The following SDCCAG8 variants were observed in gnomAD, a reference collection of about 807,000 sequenced individuals.
The protein encoded by SDCCAG8 is serologically defined colon cancer antigen 8.
SDCCAG8 carries 74 observed loss-of-function variants against 101.8 expected under a neutral mutation model. That is an observed-to-expected ratio of 0.73 (90% CI 0.60 to 0.88). SDCCAG8 has a LOEUF of 0.88. SDCCAG8 is among the 40% of genes least tolerant of loss of function. The pLI is 0.00. For synonymous variants in SDCCAG8, 281 were observed against 292.9 expected, an observed-to-expected ratio of 0.96 and a Z score of 0.41; for missense variants, 787 against 822.6, an observed-to-expected ratio of 0.96 and a Z score of 0.53.
chr1:243,423,483 A>C (rs925707607), intron 15 of SDCCAG8, among the ~76,000 whole-genome samples: 1 of 152,172 alleles, frequency 6.6e-6, no homozygotes, highest in Non-Finnish European at 1.5e-5. Context: ...CTCTGAAAAC[A>C]AAACTTTATT....
At chr1:243,412,503 A>C (rs2080255331) in intron 13 of SDCCAG8, among the ~76,000 whole-genome samples, 1 of 152,244 alleles carries the variant, frequency 6.6e-6, no homozygotes, top group South Asian at 2.1e-4. Context: ...CTGGCGGCCC[A>C]GGACAGCTTT....
intron 5 of SDCCAG8, among the ~76,000 whole-genome samples, chr1:243,288,966 C>T (rs1339775944): frequency 1.3e-5 from 2 of 148,328 alleles, no homozygotes; most frequent in Non-Finnish European, 3.0e-5. Context: ...GAGACTGCGC[C>T]ACTGCACTCT....
intron 6 of SDCCAG8, among the ~76,000 whole-genome samples, chr1:243,304,432 A>C (rs748639878): frequency 6.6e-6 from 1 of 152,228 alleles, no homozygotes; most frequent in Non-Finnish European, 1.5e-5. Context: ...CTTATGGGTT[A>C]TAACTGTTTT....
At chr1:243,276,667 T>A (rs2068599202) in intron 4 of SDCCAG8, among the ~76,000 whole-genome samples, 1 of 152,178 alleles carries the variant, frequency 6.6e-6, no homozygotes, top group Admixed American at 6.5e-5. Flanking sequence ...AGTCTCTCAG[T>A]TTGCATTAGC....
chr1:243,481,202 C>G (rs1473610511), intron 16 of SDCCAG8, among the ~76,000 whole-genome samples: 1 of 151,990 alleles, frequency 6.6e-6, no homozygotes, highest in Non-Finnish European at 1.5e-5. Context: ...AGCACTGAGC[C>G]CAGCCCTGGG....
At chr1:243,369,662 A>G (rs1382328675) in intron 12 of SDCCAG8, among the ~76,000 whole-genome samples, 3 of 152,150 alleles carry the variant, frequency 2.0e-5, no homozygotes, top group African/African-American at 7.2e-5. Flanking sequence ...AAAGTAAGAA[A>G]TGAAGGATAC....
At chr1:243,337,948 T>C (rs1303735601) in intron 10 of SDCCAG8, among the ~76,000 whole-genome samples, 1 of 152,158 alleles carries the variant, frequency 6.6e-6, no homozygotes, top group East Asian at 1.9e-4. Flanking sequence ...AGAGACAGGG[T>C]CTCACTGTGT....
intron 13 of SDCCAG8, among the ~76,000 whole-genome samples, chr1:243,403,253 G>A (rs1033799764): frequency 6.6e-6 from 1 of 152,112 alleles, no homozygotes; most frequent in African/African-American, 2.4e-5. Flanking sequence ...CAGGGCTGAG[G>A]CCCAGCCCTG....
At chr1:243,353,882 A>G (rs972113841) in intron 12 of SDCCAG8, among the ~76,000 whole-genome samples, 1 of 152,106 alleles carries the variant, frequency 6.6e-6, no homozygotes, top group African/African-American at 2.4e-5. Context: ...AAATTTTAAG[A>G]TTTTTCAAAT....
At chr1:243,405,509 G>T (rs1418672893) in intron 13 of SDCCAG8, among the ~76,000 whole-genome samples, 1 of 152,034 alleles carries the variant, frequency 6.6e-6, no homozygotes, top group East Asian at 1.9e-4. Context: ...TAAAGATCTG[G>T]CAATGAGCAA....
chr1:243,364,119 T>C (rs2147861058), intron 12 of SDCCAG8, among the ~76,000 whole-genome samples: 1 of 152,304 alleles, frequency 6.6e-6, no homozygotes, highest in East Asian at 1.9e-4. Context: ...GATTTTTTTT[T>C]CAATCAGTTA....
At chr1:243,468,465 G>A (rs972719785) in intron 16 of SDCCAG8, among the ~76,000 whole-genome samples, 5 of 152,152 alleles carry the variant, frequency 3.3e-5, no homozygotes, top group South Asian at 4.1e-4. Flanking sequence ...TGATCCACCC[G>A]CCTCAGCCTC....
At chr1:243,469,797 C>T (rs1167840614) in intron 16 of SDCCAG8, among the ~76,000 whole-genome samples, 2 of 150,930 alleles carry the variant, frequency 1.3e-5, no homozygotes, top group African/African-American at 4.9e-5. Flanking sequence ...CAGTTTGGTC[C>T]CTTCCTAGCT....
chr1:243,304,869 T>C, intron 7 of SDCCAG8, 92 bp downstream of exon 7: 1 of 823,036 alleles, frequency 1.2e-6, no homozygotes, highest in Non-Finnish European at 2.1e-6. Flanking sequence ...TTTTAGTCAT[T>C]ATCAGACTTA....
intron 17 of SDCCAG8, among the ~76,000 whole-genome samples, chr1:243,495,710 T>C (rs1345903654): frequency 6.6e-6 from 1 of 152,202 alleles, no homozygotes; most frequent in African/African-American, 2.4e-5. Flanking sequence ...TGGGCGGTCC[T>C]GCTCGAAGGC....
chr1:243,359,553 G>A (rs1395041523), intron 12 of SDCCAG8, among the ~76,000 whole-genome samples: 4 of 152,152 alleles, frequency 2.6e-5, no homozygotes, highest in Non-Finnish European at 4.4e-5. Flanking sequence ...AGTCACAAAG[G>A]CACTGTTCTG....
At chr1:243,314,103 G>A (rs2073020459) in intron 8 of SDCCAG8, among the ~76,000 whole-genome samples, 1 of 152,224 alleles carries the variant, frequency 6.6e-6, no homozygotes, top group Admixed American at 6.5e-5. Context: ...CCAAGATTTA[G>A]TAACACCTGA....
chr1:243,427,648 G>A (rs977722340), intron 16 of SDCCAG8, among the ~76,000 whole-genome samples: 7 of 151,928 alleles, frequency 4.6e-5, no homozygotes, highest in Non-Finnish European at 1.0e-4. Flanking sequence ...TAGACTCCTT[G>A]TATTTTTTTA....
intron 5 of SDCCAG8, among the ~76,000 whole-genome samples, chr1:243,292,550 A>G (rs944591356): frequency 6.6e-6 from 1 of 152,192 alleles, no homozygotes; most frequent in Non-Finnish European, 1.5e-5. Flanking sequence ...GCTGCCACTT[A>G]TTAGCCACTT....
Sources: gnomAD v4.1 joint callset for allele counts (sites outside exome capture counted in the v4.1 genomes callset) on GRCh38, gnomAD v4.1.1 for gene constraint, MANE v1.5 for transcripts, NCBI Gene and HGNC (gene_info 2026-07-23, HGNC 2026-07-21) for gene names.